The following PSAT1 variants were observed in gnomAD, a reference collection of about 807,000 sequenced individuals.
PSAT1 encodes phosphoserine aminotransferase.
PSAT1 carries 41 observed loss-of-function variants against 40.3 expected under a neutral mutation model. That is an observed-to-expected ratio of 1.02 (90% CI 0.79 to 1.32). PSAT1 has a LOEUF of 1.32. PSAT1 is among the 40% of genes most tolerant of loss of function. PSAT1 has a pLI of 0.00. For synonymous variants in PSAT1, 147 were observed against 170.5 expected, an observed-to-expected ratio of 0.86 and a Z score of 1.07; for missense variants, 406 against 455.8, an observed-to-expected ratio of 0.89 and a Z score of 0.99.
At chr9:78,324,845 C>T (rs1404900091) in intron 7 of PSAT1, among the ~76,000 whole-genome samples, 1 of 152,144 alleles carries the variant, frequency 6.6e-6, no homozygotes, top group Non-Finnish European at 1.5e-5. Flanking sequence ...GCCCGTCCTA[C>T]TCATTTATGT....
At chr9:78,297,576 C>T (rs1338684316) in intron 1 of PSAT1, among the ~76,000 whole-genome samples, 1 of 152,224 alleles carries the variant, frequency 6.6e-6, no homozygotes, top group African/African-American at 2.4e-5. Context: ...CACCTGCAGA[C>T]GCCCGGGCTG....
rs1250125164 is a variant in PSAT1 at position 78,329,300 on chromosome 9, T to C, written c.*214T>C. On this transcript the variant is annotated 3_prime_UTR_variant, in exon 9 of 9. Transcript: ENST00000376588. ...TTAATTCTGACTTGAACTGGAAGCA[T>C]TTTAAGAAATCTTGTTGCTTTTCTA... 1.8e-6 allele frequency: 1 copy of C among 546,504 alleles called. No homozygotes were observed. Among genetic ancestry groups the C allele is most frequent in the Non-Finnish European group, 3.3e-6 (1 of 307,070 alleles). 33.9% of individuals were successfully genotyped at this position (546,504 alleles called of 1,614,324 possible). A position where few individuals can be genotyped will look rare whatever the true frequency, so the allele number is the denominator to read the frequency against.
At chr9:78,311,661 G>A (rs1043870905) in intron 6 of PSAT1, among the ~76,000 whole-genome samples, 6 of 151,904 alleles carry the variant, frequency 3.9e-5, no homozygotes, top group Admixed American at 1.3e-4. Flanking sequence ...GTGAAACCCC[G>A]TCTCTACTAA....
At chr9:78,303,041 A>C (rs75267730) in intron 3 of PSAT1, among the ~76,000 whole-genome samples, 9,879 of 152,232 alleles carry the variant, frequency 0.065, 465 homozygotes, top group East Asian at 0.21. Context: ...TCCTGCTCAC[A>C]GAAATAATGC....
rs1267641442 is a variant in PSAT1, at chr9:78,306,483, C to T, written c.567C>T (p.Ser189=). ...SNFLSKPVDV[S]KFGVIFAGAQ... is the part of the protein sequence containing the mutation. ...TCCTGTCCAAGCCAGTGGATGTTTCCAAGGTAGAGTATAAAAGGCAGGGTG... is the reference window on the plus strand; with the variant it reads ...TCCTGTCCAAGCCAGTGGATGTTTCTAAGGTAGAGTATAAAAGGCAGGGTG... The change falls in exon 5 of 9, where the codon TCC becomes TCT. Residue 189 remains serine (S), a synonymous_variant. Transcript: ENST00000376588. The T allele has an allele frequency of 6.2e-7, 1 of 1,614,112 alleles. No homozygotes were observed. The highest frequency in any genetic ancestry group is 1.7e-5 in the Admixed American group (1 of 60,006).
chr9:78,305,312 A>G (rs1828165444), intron 4 of PSAT1, among the ~76,000 whole-genome samples: 2 of 152,082 alleles, frequency 1.3e-5, no homozygotes, highest in South Asian at 4.2e-4. Flanking sequence ...ACAGAGTTTA[A>G]CCATGTTGGC....
chr9:78,326,302 T>C (rs977656761), intron 7 of PSAT1, among the ~76,000 whole-genome samples: 11 of 152,084 alleles, frequency 7.2e-5, no homozygotes, highest in African/African-American at 2.4e-4. Flanking sequence ...AAAGAGAGGG[T>C]TATTACACAT....
At chr9:78,313,763 G>A (rs539435888) in intron 6 of PSAT1, among the ~76,000 whole-genome samples, 23 of 152,154 alleles carry the variant, frequency 1.5e-4, no homozygotes, top group Admixed American at 5.2e-4. Context: ...TCCCACCTCA[G>A]CCTCCTAAGT....
intron 7 of PSAT1, among the ~76,000 whole-genome samples, chr9:78,320,661 A>G (rs1259980743): frequency 4.8e-5 from 5 of 104,330 alleles, no homozygotes; most frequent in African/African-American, 1.1e-4. Flanking sequence ...CCACCCATCC[A>G]TCTATCCATC....
In PSAT1 at chr9:78,297,165, C is replaced by T. The variant is rs1160826046; in HGVS notation, c.-46C>T. 5 of 1,558,322 alleles carry T rather than the reference C, an allele frequency of 3.2e-6. No individual in the cohort carries two copies. In the East Asian group the frequency reaches 7.0e-5, roughly 22 times the overall value. Reference sequence around the variant, plus strand: ...AGCGGCCAGGAACGCCAGCCGTTCACGCGTTCGGTCCTCCTTGGCTGACTC... The same window carrying T: ...AGCGGCCAGGAACGCCAGCCGTTCATGCGTTCGGTCCTCCTTGGCTGACTC... On this transcript the variant is annotated 5_prime_UTR_variant, in exon 1 of 9. The change creates a new upstream start codon in the 5' untranslated region. Transcript: ENST00000376588.
At chr9:78,320,215 G>A (rs563518926) in intron 7 of PSAT1, among the ~76,000 whole-genome samples, 321 of 133,120 alleles carry the variant, frequency 2.4e-3, no homozygotes, top group African/African-American at 8.8e-3. Context: ...CTATCCACCC[G>A]CCCATTCATT....
intron 3 of PSAT1, among the ~76,000 whole-genome samples, chr9:78,302,513 G>T (rs1026667237): frequency 2.0e-5 from 3 of 152,124 alleles, no homozygotes; most frequent in African/African-American, 7.2e-5. Context: ...TGGATCGTGA[G>T]ATCAGGAGAT....
intron 7 of PSAT1, among the ~76,000 whole-genome samples, chr9:78,321,264 G>A (rs148046873): frequency 7.9e-5 from 12 of 152,240 alleles, no homozygotes; most frequent in African/African-American, 2.4e-4. Flanking sequence ...CCTGGAAAGC[G>A]TCATCCCAGG....
rs976337282 is a variant in PSAT1, at chr9:78,314,138, C to T, written c.741-3538C>T. On this transcript the variant is annotated intron_variant, in intron 6 of 8. Coordinates refer to ENST00000376588, the MANE Select transcript of PSAT1 (RefSeq NM_058179.4). ...GAGACCACTCTATAAGCTGTGTAAG[C>T]GTTTTAGAGCCCTTGTGTTTTCAAG... is the stretch of plus-strand genomic sequence containing the variant. Among the ~76,000 whole-genome samples, 3 of 152,244 alleles carry T rather than the reference C, an allele frequency of 2.0e-5. 1 individual carries two copies. The highest frequency in any genetic ancestry group is 6.8e-3 in the Middle Eastern group (2 of 294).
chr9:78,321,597 G>A (rs1828430233), intron 7 of PSAT1, among the ~76,000 whole-genome samples: 1 of 152,040 alleles, frequency 6.6e-6, no homozygotes. Flanking sequence ...GTTCCAGGTT[G>A]TTTGCTGGGG....
intron 7 of PSAT1, among the ~76,000 whole-genome samples, chr9:78,318,873 A>G (rs1165941456): frequency 6.6e-6 from 1 of 152,206 alleles, no homozygotes; most frequent in Non-Finnish European, 1.5e-5. Context: ...AAAATGCCAG[A>G]TGGGAAGCAC....
Position 78,328,132 on chromosome 9 carries a change from A to T in PSAT1, c.951A>T (p.Glu317Asp), listed in dbSNP as rs2118715158. The change falls in exon 8 of 9, where the codon GAA (glutamate) becomes GAT (aspartate). Residue 317 changes from glutamate (E) to aspartate (D), a missense_variant. Coordinates refer to ENST00000376588, the MANE Select transcript of PSAT1 (RefSeq NM_058179.4). ...ATGCCAAAGGAGATGATGCTTTAGA[A>T]AAAAGATTTCTTGATAAAGCTCTTG... ...IGNAKGDDALEKRFLDKALEL... is the reference protein window; with the variant it reads ...IGNAKGDDALDKRFLDKALEL... The T allele has an allele frequency of 6.2e-7, 1 of 1,613,276 alleles. No individual in the cohort carries two copies. The highest frequency in any genetic ancestry group is 1.1e-5 in the South Asian group (1 of 91,038).
chr9:78,317,866 G>C, intron 7 of PSAT1, 62 bp downstream of exon 7: 1 of 1,557,596 alleles, frequency 6.4e-7, no homozygotes, highest in African/African-American at 1.4e-5. Context: ...TGTATATACT[G>C]TGTACCTTTG....
chr9:78,297,319 G>C (rs1479086327), intron 1 of PSAT1, 49 bp downstream of exon 1: 14 of 1,556,540 alleles, frequency 9.0e-6, no homozygotes, highest in Middle Eastern at 2.3e-4. Context: ...GCGGGAGCAC[G>C]CACGCGGGTG....
Sources: allele counts gnomAD v4.1 joint callset (sites outside exome capture counted in the v4.1 genomes callset), GRCh38; gene constraint gnomAD v4.1.1; transcripts MANE v1.5; gene names NCBI Gene and HGNC (gene_info 2026-07-23, HGNC 2026-07-21).